The following NFATC3 variants were observed in gnomAD, a reference collection of about 807,000 sequenced individuals.
NFATC3 encodes the protein nuclear factor of activated T-cells, cytoplasmic 3.
In NFATC3, 46 loss-of-function variants were observed where a neutral mutation model predicts 98.6. The observed-to-expected ratio is 0.47, with a 90% CI of 0.37 to 0.60. The LOEUF (loss-of-function observed/expected upper bound fraction) is 0.60, where lower values mean the gene tolerates loss of function less well. NFATC3 is among the 20% of genes least tolerant of loss of function. NFATC3 has a pLI of 0.00. For synonymous variants in NFATC3, 512 were observed against 472.2 expected, an observed-to-expected ratio of 1.08 and a Z score of -1.09; for missense variants, 1,256 against 1,295.5, an observed-to-expected ratio of 0.97 and a Z score of 0.47.
intron 6 of NFATC3, among the ~76,000 whole-genome samples, chr16:68,176,010 G>A (rs752034761): frequency 4.6e-5 from 7 of 151,526 alleles, no homozygotes; most frequent in Admixed American, 6.6e-5. Flanking sequence ...ACGGAGCCTC[G>A]CTCTGTTACC....
chr16:68,208,815 G>A (rs907770076), intron 9 of NFATC3, among the ~76,000 whole-genome samples: 2 of 151,406 alleles, frequency 1.3e-5, no homozygotes, highest in Non-Finnish European at 2.9e-5. Context: ...ACTGAATATT[G>A]TGTGTTGATT....
intron 1 of NFATC3, among the ~76,000 whole-genome samples, chr16:68,098,439 T>C (rs1311439078): frequency 1.3e-5 from 2 of 151,676 alleles, no homozygotes; most frequent in African/African-American, 4.8e-5. Flanking sequence ...GTAGCTGGGA[T>C]TGCAGGCACA....
chr16:68,183,728 G>T (rs779548104), intron 8 of NFATC3, among the ~76,000 whole-genome samples: 1 of 152,138 alleles, frequency 6.6e-6, no homozygotes, highest in Non-Finnish European at 1.5e-5. Flanking sequence ...GTGTGGCCAG[G>T]CGCAGTGGCT....
chr16:68,215,829 G>T (rs529851438), intron 9 of NFATC3, among the ~76,000 whole-genome samples: 1 of 148,308 alleles, frequency 6.7e-6, no homozygotes, highest in Non-Finnish European at 1.5e-5. Flanking sequence ...CCAGGTTGAC[G>T]CCATTCTCCT....
intron 3 of NFATC3, among the ~76,000 whole-genome samples, chr16:68,149,600 G>C: frequency 6.6e-6 from 1 of 152,132 alleles, no homozygotes; most frequent in East Asian, 1.9e-4. Flanking sequence ...AAAAACATTA[G>C]GAAATAGCAG....
chr16:68,191,589 C>T lies in NFATC3; in HGVS notation c.2920C>T (p.His974Tyr), dbSNP rs1438973664. ...AGCCACCAGAATGCATTCTGGACAG[C>T]ACTCAACTCAAGCACAAAGTACGGG... ...SPATRMHSGQ[H>Y]STQAQSTGQG... is the part of the protein sequence containing the mutation. The change falls in exon 9 of 10, where the codon CAC becomes TAC. Residue 974 changes from histidine (H) to tyrosine (Y), a missense_variant. His to Tyr is a moderately conservative substitution (Grantham distance 83). Coordinates refer to ENST00000346183, the MANE Select transcript of NFATC3 (RefSeq NM_173165.3). 3 of 1,614,038 alleles carry T rather than the reference C, an allele frequency of 1.9e-6. No homozygotes were observed. The highest frequency in any genetic ancestry group is 2.5e-6 in the Non-Finnish European group (3 of 1,180,040).
chr16:68,213,417 AAAAT>A (rs1190397240), intron 9 of NFATC3, among the ~76,000 whole-genome samples: 14 of 150,730 alleles, frequency 9.3e-5, no homozygotes, highest in African/African-American at 1.5e-4. Flanking sequence ...TCTGTCTCAA[AAAAT>A]AAATAAATAA....
chr16:68,182,045 G>A (rs1424789074), intron 7 of NFATC3, among the ~76,000 whole-genome samples: 1 of 152,078 alleles, frequency 6.6e-6, no homozygotes, highest in Non-Finnish European at 1.5e-5. Context: ...TTGTATATAG[G>A]GAAGGAGAAA....
At chr16:68,163,442 CG>C (rs1567528050) in intron 4 of NFATC3, among the ~76,000 whole-genome samples, 1 of 148,616 alleles carries the variant, frequency 6.7e-6, no homozygotes, top group Non-Finnish European at 1.5e-5. Context: ...TAGGGGCGGC[CG>C]GGCAGAGGCG....
intron 4 of NFATC3, among the ~76,000 whole-genome samples, chr16:68,159,729 C>A (rs1368220948): frequency 6.6e-6 from 1 of 151,802 alleles, no homozygotes; most frequent in Non-Finnish European, 1.5e-5. Flanking sequence ...GGCCCACAGA[C>A]CTTTCTTAAG....
At chr16:68,216,841 G>T (rs1056695570) in intron 9 of NFATC3, among the ~76,000 whole-genome samples, 3 of 152,066 alleles carry the variant, frequency 2.0e-5, no homozygotes, top group Non-Finnish European at 4.4e-5. Context: ...CCAAGAAGAG[G>T]TTTCTTAAAA....
chr16:68,149,831 G>A (rs946697356), intron 3 of NFATC3, among the ~76,000 whole-genome samples: 1 of 152,116 alleles, frequency 6.6e-6, no homozygotes, highest in Non-Finnish European at 1.5e-5. Context: ...CAGAAAATGA[G>A]CAAATCATAT....
rs531942599 is a variant in NFATC3, at chr16:68,174,140, C to G, written c.1775-234C>G. Reference sequence around the variant, plus strand: ...CCAATTTGGGCAACAGAGTGAGACCCTTTCTTAAATAAATATACTTAGAAA... The same window carrying G: ...CCAATTTGGGCAACAGAGTGAGACCGTTTCTTAAATAAATATACTTAGAAA... On this transcript the variant is annotated intron_variant, in intron 5 of 9. Transcript: ENST00000346183. 5.9e-5 allele frequency among the ~76,000 whole-genome samples: 9 copies of G among 152,192 alleles called. No individual in the cohort carries two copies. In the East Asian group the frequency reaches 1.7e-3, roughly 29 times the overall value.
At chr16:68,169,859 T>C (rs984793946) in intron 5 of NFATC3, among the ~76,000 whole-genome samples, 1 of 151,486 alleles carries the variant, frequency 6.6e-6, no homozygotes, top group African/African-American at 2.4e-5. Context: ...GAGAACCGCT[T>C]GAACCCAGGA....
rs749955018 is a variant in NFATC3, at chr16:68,122,959, C to T, written c.1076C>T (p.Ser359Leu). 6.2e-7 allele frequency: 1 copy of T among 1,614,162 alleles called. No individual in the cohort carries two copies. The highest frequency in any genetic ancestry group is 1.7e-5 in the Admixed American group (1 of 60,016). ...AILPGKLELC[S>L]DDQGSLSPAR... ...CTACCAGGAAAATTAGAGCTGTGTTCAGATGACCAAGGGAGTTTATCACCA... is the reference window on the plus strand; with the variant it reads ...CTACCAGGAAAATTAGAGCTGTGTTTAGATGACCAAGGGAGTTTATCACCA... Residue 359 changes from serine (S) to leucine (L), a missense_variant, in exon 2 of 10, where the codon TCA (serine) becomes TTA (leucine). Physicochemically the swap from Ser to Leu is moderately radical, Grantham distance 145 (BLOSUM62 -2). Transcript: ENST00000346183.
chr16:68,226,525 C>T lies in NFATC3; in HGVS notation c.*54C>T. Reference sequence around the variant, plus strand: ...ACCAACTTCTCAGCATGTTTCTCTCCTTGGACCTTGGGTTTCCAACTCTGC... The same window carrying T: ...ACCAACTTCTCAGCATGTTTCTCTCTTTGGACCTTGGGTTTCCAACTCTGC... On this transcript the variant is annotated 3_prime_UTR_variant, in exon 10 of 10. Coordinates refer to ENST00000346183, the MANE Select transcript of NFATC3 (RefSeq NM_173165.3). 13 of 1,445,868 alleles carry T rather than the reference C, an allele frequency of 9.0e-6. No homozygotes were observed. Among genetic ancestry groups the T allele is most frequent in the Non-Finnish European group, 1.2e-5 (13 of 1,101,984 alleles). The allele number at this position is 1,445,868 out of a possible 1,614,324, so 89.6% of individuals were successfully genotyped here.
At chr16:68,157,790 A>G in intron 3 of NFATC3, 79 bp from the exon 4 acceptor site, 2 of 1,136,852 alleles carry the variant, frequency 1.8e-6, no homozygotes, top group South Asian at 1.5e-5. Flanking sequence ...TAGAGATATA[A>G]TAGACTTACT....
In NFATC3 at chr16:68,151,205, A is replaced by C. The variant is rs558291289; in HGVS notation, c.1402-6664A>C. On this transcript the variant is annotated intron_variant, in intron 3 of 9. Coordinates refer to ENST00000346183, the MANE Select transcript of NFATC3 (RefSeq NM_173165.3). ...CCCATCTTAAAAAAAAAAAAGTTTC[A>C]AAGTGAAAAGCCTTGATAATGACTA... is the stretch of plus-strand genomic sequence containing the variant. Among the ~76,000 whole-genome samples, 11 of 152,212 alleles carry C rather than the reference A, an allele frequency of 7.2e-5. No homozygotes were observed. In the East Asian group the frequency reaches 2.1e-3, roughly 29 times the overall value.
intron 3 of NFATC3, among the ~76,000 whole-genome samples, chr16:68,144,876 C>T (rs1048115298): frequency 7.2e-5 from 11 of 151,772 alleles, no homozygotes; most frequent in East Asian, 1.9e-4. Flanking sequence ...CAGGCTGGTC[C>T]GGAACTCTTG....
Sources: gnomAD v4.1 joint callset for allele counts (sites outside exome capture counted in the v4.1 genomes callset) on GRCh38, gnomAD v4.1.1 for gene constraint, MANE v1.5 for transcripts, NCBI Gene and HGNC (gene_info 2026-07-23, HGNC 2026-07-21) for gene names.